Variants in MGST2 observed in about 807,000 individuals in gnomAD.
The protein encoded by MGST2 is microsomal glutathione S-transferase 2.
Under a neutral mutation model 16.6 loss-of-function variants are expected in MGST2, and 9 were observed. The ratio of observed to expected loss-of-function variants is 0.54; its 90% CI spans 0.33 to 0.95. The LOEUF (loss-of-function observed/expected upper bound fraction) is 0.95. Ranked by LOEUF, MGST2 falls within the 40% of genes least tolerant of loss-of-function variation. The probability of loss-of-function intolerance (pLI) is 0.03; values close to 1 mark genes in which losing one functional copy is unlikely to be tolerated. For synonymous variants in MGST2, 79 were observed against 68.0 expected (o/e 1.16, Z -0.79); for missense variants, 159 against 175.1 (o/e 0.91, Z 0.52).
At chr4:139,668,929 T>C (rs1425955810) in intron 1 of MGST2, among the ~76,000 whole-genome samples, 1 of 152,156 alleles carries the variant, frequency 6.6e-6, no homozygotes, top group Non-Finnish European at 1.5e-5. Context: ...TGTTCCTGTG[T>C]CTTGTGGTCA....
chr4:139,708,281 G>A (rs1209207120), downstream of MGST2, among the ~76,000 whole-genome samples: 1 of 152,150 alleles, frequency 6.6e-6, no homozygotes, highest in East Asian at 1.9e-4. Context: ...TTCTACATAT[G>A]GCTAGCCAGT....
the MGST2 span, among the ~76,000 whole-genome samples, chr4:139,746,610 C>T: frequency 3.9e-5 from 6 of 152,160 alleles, no homozygotes; most frequent in African/African-American, 7.2e-5. Flanking sequence ...TCTCGCTCTG[C>T]GGGCCCCTCG....
Position 139,702,867 on chromosome 4 carries a change from T to TC in MGST2, c.230-588_230-587insC, listed in dbSNP as rs1553948265. On this transcript the variant is annotated intron_variant, in intron 3 of 4. Coordinates refer to ENST00000265498, the MANE Select transcript of MGST2 (RefSeq NM_002413.5). ...TGGTTTTTTTTTTTTTTTTTTTTTT[T>TC]TTTACAATTTTAGCCATTCTGTTGG... Among the ~76,000 whole-genome samples the TC allele has an allele frequency of 7.2e-4, 95 of 132,450 alleles. 1 individual carries two copies. The highest frequency in any genetic ancestry group is 4.1e-3 in the Middle Eastern group (1 of 246). 86.9% of individuals were successfully genotyped at this position (132,450 alleles called of 152,430 possible).
chr4:139,731,482 G>A (rs1045976936), intron 5 of MGST2: 1 of 151,290 alleles, frequency 6.6e-6, no homozygotes, highest in East Asian at 2.0e-4. Flanking sequence ...GCCAGACATG[G>A]TGGTGGGCAC....
chr4:139,726,367 T>C (rs994081295), intron 5 of MGST2, among the ~76,000 whole-genome samples: 2 of 152,240 alleles, frequency 1.3e-5, no homozygotes, highest in African/African-American at 4.8e-5. Flanking sequence ...GTTTCTAGTT[T>C]TTGTGTTTCA....
In MGST2 at chr4:139,704,065, C is replaced by CT; in HGVS notation, c.362dup (p.Gly122ArgfsTer12). The CT allele has an allele frequency of 6.2e-7, 1 of 1,614,092 alleles. No individual in the cohort carries two copies. Among genetic ancestry groups the CT allele is most frequent in the African/African-American group, 1.3e-5 (1 of 75,034 alleles). ...GGGGATTTTGGCCTTGTTGACCCTC[C>CT]TAGGTGCCCTGGGAATTGCAAACAG... On this transcript the variant is annotated frameshift_variant, in exon 5 of 5. Coordinates refer to ENST00000265498, the MANE Select transcript of MGST2 (RefSeq NM_002413.5). LOFTEE classifies it high-confidence loss of function.
chr4:139,698,173 C>T lies in MGST2; in HGVS notation c.229+2906C>T, dbSNP rs1727032112. The T allele has an allele frequency of 3.2e-6, 5 of 1,551,480 alleles. No individual in the cohort carries two copies. In the Admixed American group the frequency reaches 5.1e-5, roughly 16 times the overall value. ...GCACGTTCTCCACGTATGCTGTGTG[C>T]TAGCTGGATGTCTTTTGGCATAATT... On this transcript the variant is annotated intron_variant, in intron 3 of 4. Transcript: ENST00000265498.
intron 5 of MGST2, among the ~76,000 whole-genome samples, chr4:139,726,764 G>T (rs1237554402): frequency 2.6e-5 from 4 of 152,194 alleles, no homozygotes; most frequent in African/African-American, 9.6e-5. Flanking sequence ...CTGCATATTA[G>T]TCTTTCTTCT....
chr4:139,673,010 TC>T (rs1236176155), intron 1 of MGST2, among the ~76,000 whole-genome samples: 5 of 152,192 alleles, frequency 3.3e-5, no homozygotes, highest in Non-Finnish European at 5.9e-5. Context: ...GGAGATCATA[TC>T]CTGTTCCAGT....
the MGST2 span, among the ~76,000 whole-genome samples, chr4:139,754,176 T>C: frequency 6.6e-6 from 1 of 152,254 alleles, no homozygotes; most frequent in African/African-American, 2.4e-5. Flanking sequence ...ACAATATTAC[T>C]ATGCAAAACA....
chr4:139,730,850 T>C (rs1282613301), intron 5 of MGST2: 1 of 610,408 alleles, frequency 1.6e-6, no homozygotes, highest in East Asian at 2.8e-5. Flanking sequence ...CTGAGTAGAA[T>C]GAGAGAGGCC....
intron 5 of MGST2, chr4:139,719,841 T>C (rs757175972): frequency 6.2e-7 from 1 of 1,613,704 alleles, no homozygotes; most frequent in Non-Finnish European, 8.5e-7. Flanking sequence ...CCCTGCAAGC[T>C]CCTCTGTTGC....
chr4:139,754,391 T>C, the MGST2 span, among the ~76,000 whole-genome samples: 1 of 152,216 alleles, frequency 6.6e-6, no homozygotes, highest in Non-Finnish European at 1.5e-5. Context: ...AAAATGATAG[T>C]CACTCAATGT....
downstream of MGST2, among the ~76,000 whole-genome samples, chr4:139,706,683 T>TACACACAC (rs111407241): frequency 6.6e-6 from 1 of 150,542 alleles, no homozygotes; most frequent in African/African-American, 2.4e-5. Flanking sequence ...AACACACACA[T>TACACACAC]ACACACACAC....
intron 1 of MGST2, among the ~76,000 whole-genome samples, chr4:139,677,212 G>T (rs202194356): frequency 6.6e-6 from 1 of 152,126 alleles, no homozygotes; most frequent in Non-Finnish European, 1.5e-5. Flanking sequence ...TTTTGTCAAG[G>T]TTAAGGACAT....
At chr4:139,689,714 T>G (rs1199390760) in intron 2 of MGST2, among the ~76,000 whole-genome samples, 1 of 152,196 alleles carries the variant, frequency 6.6e-6, no homozygotes, top group Non-Finnish European at 1.5e-5. Context: ...CTGTTTTTAT[T>G]TAGAAAAAGA....
At chr4:139,707,927 T>C (rs1727584295), downstream of MGST2, among the ~76,000 whole-genome samples, 1 of 151,982 alleles carries the variant, frequency 6.6e-6, no homozygotes, top group African/African-American at 2.4e-5. Flanking sequence ...TGTAAATTTG[T>C]TTGAGTTCAT....
intron 2 of MGST2, among the ~76,000 whole-genome samples, chr4:139,680,106 A>T (rs562329001): frequency 2.0e-5 from 3 of 152,140 alleles, no homozygotes; most frequent in Non-Finnish European, 4.4e-5. Flanking sequence ...CAAATTTTAG[A>T]CATTGTCAGT....
intron 5 of MGST2, among the ~76,000 whole-genome samples, chr4:139,716,057 G>A (rs1182625086): frequency 6.6e-6 from 1 of 152,168 alleles, no homozygotes; most frequent in Admixed American, 6.5e-5. Flanking sequence ...AAGCTACAGT[G>A]CCCGGTCTGG....
Sources: gnomAD v4.1 joint callset for allele counts (sites outside exome capture counted in the v4.1 genomes callset) on GRCh38, gnomAD v4.1.1 for gene constraint, MANE v1.5 for transcripts, NCBI Gene and HGNC (gene_info 2026-07-23, HGNC 2026-07-21) for gene names.